The following ASCC3 variants were observed in gnomAD, a reference collection of about 807,000 sequenced individuals.
ASCC3 encodes ASC-1 complex subunit P200.
Under a neutral mutation model 256.3 loss-of-function variants are expected in ASCC3, and 158 were observed. That is an observed-to-expected ratio of 0.62 (90% CI 0.54 to 0.70). The LOEUF (loss-of-function observed/expected upper bound fraction) is 0.70, where lower values mean the gene tolerates loss of function less well. ASCC3 is among the 30% of genes least tolerant of loss of function. The pLI, the probability that ASCC3 is intolerant of heterozygous loss-of-function variation, is 0.00. For missense variants in ASCC3, 2,259 were observed against 2,626.0 expected (o/e 0.86, Z 3.05); for synonymous variants, 948 against 883.4 (o/e 1.07, Z -1.30).
chr6:100,650,505 G>A, intron 20 of ASCC3, 33 bp downstream of exon 20: 1 of 1,605,940 alleles, frequency 6.2e-7, no homozygotes, highest in South Asian at 1.1e-5. Context: ...TATATTCAAG[G>A]AAGAGAAAAC....
At chr6:100,750,990 T>C (rs933985532) in intron 10 of ASCC3, among the ~76,000 whole-genome samples, 4 of 152,094 alleles carry the variant, frequency 2.6e-5, no homozygotes, top group Admixed American at 2.6e-4. Context: ...TGAGGAATTT[T>C]ACATATTTGT....
chr6:100,600,313 A>G (rs1772539718), intron 34 of ASCC3, among the ~76,000 whole-genome samples: 1 of 152,070 alleles, frequency 6.6e-6, no homozygotes. Flanking sequence ...GGGACCTAGA[A>G]CAAGTGATTT....
intron 8 of ASCC3, among the ~76,000 whole-genome samples, chr6:100,786,818 T>C (rs1003107891): frequency 6.6e-6 from 1 of 152,124 alleles, no homozygotes; most frequent in African/African-American, 2.4e-5. Flanking sequence ...CTTCAGATGA[T>C]ATACCAGAGG....
chr6:100,731,890 G>A (rs990020325), intron 10 of ASCC3, among the ~76,000 whole-genome samples: 5 of 152,136 alleles, frequency 3.3e-5, no homozygotes, highest in Admixed American at 1.3e-4. Context: ...GGTCGGGTGT[G>A]GTGGCTCATG....
Position 100,509,196 on chromosome 6 carries a change from C to A in ASCC3, c.*190G>T. On this transcript the variant is annotated 3_prime_UTR_variant, in exon 42 of 42. Transcript: ENST00000369162. The stretch of plus-strand genomic sequence containing the variant: ...ATAAAGATAACATTATAAAAGGCAA[C>A]ATTTGTTAAAAGGCCACTGTGGTTA... 2 of 678,308 alleles carry A rather than the reference C, an allele frequency of 2.9e-6. No homozygotes were observed. Among genetic ancestry groups the A allele is most frequent in the Non-Finnish European group, 2.6e-6 (1 of 389,406 alleles). The allele number at this position is 678,308 out of a possible 1,614,324, so 42.0% of individuals were successfully genotyped here. A position where few individuals can be genotyped will look rare whatever the true frequency, so the allele number is the denominator to read the frequency against.
intron 33 of ASCC3, 26 bp from the exon 34 acceptor site, chr6:100,601,961 G>A: frequency 1.2e-6 from 2 of 1,607,586 alleles, no homozygotes; most frequent in South Asian, 1.1e-5. Context: ...GACATGGGAA[G>A]CATACAAGAG....
chr6:100,869,717 A>G (rs985819492), intron 1 of ASCC3, among the ~76,000 whole-genome samples: 1 of 152,172 alleles, frequency 6.6e-6, no homozygotes, highest in African/African-American at 2.4e-5. Flanking sequence ...TACCTCTCAA[A>G]AGATTGACAG....
At chr6:100,605,519 C>A (rs776652548) in intron 33 of ASCC3, 49 bp downstream of exon 33, 3 of 1,352,398 alleles carry the variant, frequency 2.2e-6, no homozygotes, top group Non-Finnish European at 3.1e-6. Context: ...AGAAAAACAC[C>A]AACTTGTGAT....
intron 37 of ASCC3, among the ~76,000 whole-genome samples, chr6:100,531,678 C>T (rs573229914): frequency 6.6e-6 from 1 of 151,958 alleles, no homozygotes; most frequent in East Asian, 1.9e-4. Context: ...TAACTTGGTG[C>T]CTACCTGAAA....
chr6:100,716,624 C>T (rs1015935631), intron 12 of ASCC3, among the ~76,000 whole-genome samples: 4 of 151,936 alleles, frequency 2.6e-5, no homozygotes, highest in African/African-American at 9.7e-5. Flanking sequence ...CTACAAAAGA[C>T]AAAACTCCCA....
chr6:100,655,835 T>C lies in ASCC3; in HGVS notation c.2704-17A>G. 3 of 1,609,362 alleles carry C rather than the reference T, an allele frequency of 1.9e-6. No individual in the cohort carries two copies. Among genetic ancestry groups the C allele is most frequent in the South Asian group, 2.2e-5 (2 of 91,030 alleles). ...CAGAGCAATCTGCAAATCAAAAAGATGACAGAAATTAATGTATTAAAGTTG... is the reference window on the plus strand; with the variant it reads ...CAGAGCAATCTGCAAATCAAAAAGACGACAGAAATTAATGTATTAAAGTTG... On this transcript the variant is annotated splice_polypyrimidine_tract_variant and intron_variant, in intron 16 of 41. Coordinates refer to ENST00000369162, the MANE Select transcript of ASCC3 (RefSeq NM_006828.4).
intron 4 of ASCC3, among the ~76,000 whole-genome samples, chr6:100,818,001 A>G (rs1368903708): frequency 6.6e-6 from 1 of 152,222 alleles, no homozygotes; most frequent in African/African-American, 2.4e-5. Flanking sequence ...AAAATCCTCA[A>G]TGAAATACAA....
At chr6:100,652,936 A>G in intron 17 of ASCC3, 47 bp from the exon 18 acceptor site, 2 of 1,539,608 alleles carry the variant, frequency 1.3e-6, no homozygotes, top group Non-Finnish European at 1.8e-6. Flanking sequence ...TTAGAGAGTA[A>G]CCATTTGCAA....
At position 100,859,168 on chromosome 6, in the gene ASCC3, A is replaced by G. The variant is rs1773102822; in HGVS notation, c.241+4896T>C. On this transcript the variant is annotated intron_variant, in intron 3 of 41. Transcript: ENST00000369162. ...TCATCTTCTCATCCTCCTCTTTTCCATCCAGCCTCCTCTTCTGGAATGGAC... is the reference window on the plus strand; with the variant it reads ...TCATCTTCTCATCCTCCTCTTTTCCGTCCAGCCTCCTCTTCTGGAATGGAC... The G allele has an allele frequency of 1.2e-5, 9 of 779,808 alleles. No homozygotes were observed. The East Asian group carries it at 2.2e-4, about 19-fold the overall frequency. The allele number at this position is 779,808 out of a possible 1,614,324, so 48.3% of individuals were successfully genotyped here.
At chr6:100,635,189 ATG>A (rs953660297) in intron 25 of ASCC3, among the ~76,000 whole-genome samples, 11 of 150,442 alleles carry the variant, frequency 7.3e-5, no homozygotes, top group African/African-American at 2.7e-4. Flanking sequence ...TAATATATAT[ATG>A]TGTGTGTGTA....
At chr6:100,514,258 CCTG>C (rs1773914322) in intron 39 of ASCC3, among the ~76,000 whole-genome samples, 1 of 151,988 alleles carries the variant, frequency 6.6e-6, no homozygotes. Context: ...TGGTCTATCC[CCTG>C]CTAGAACCCA....
At chr6:100,603,726 TGTG>T (rs1343451789) in intron 33 of ASCC3, among the ~76,000 whole-genome samples, 1 of 152,102 alleles carries the variant, frequency 6.6e-6, no homozygotes, top group Non-Finnish European at 1.5e-5. Context: ...TTTTTGTTCA[TGTG>T]GTGAATTATA....
At chr6:100,864,359 T>C in intron 2 of ASCC3, 145 bp from the exon 3 acceptor site, 1 of 664,472 alleles carries the variant, frequency 1.5e-6, no homozygotes, top group Non-Finnish European at 2.5e-6. Flanking sequence ...CCAAACTGAC[T>C]ACTCACAAAA....
intron 36 of ASCC3, among the ~76,000 whole-genome samples, chr6:100,587,597 G>A (rs547297818): frequency 6.6e-6 from 1 of 152,160 alleles, no homozygotes; most frequent in Non-Finnish European, 1.5e-5. Context: ...TAAACACCAT[G>A]GGAGAAGAAG....
Sources: gnomAD v4.1 joint callset for allele counts (sites outside exome capture counted in the v4.1 genomes callset) on GRCh38, gnomAD v4.1.1 for gene constraint, MANE v1.5 for transcripts, NCBI Gene and HGNC (gene_info 2026-07-23, HGNC 2026-07-21) for gene names.